VPS13B: variants seen among roughly 807,000 people sequenced by gnomAD.
The protein encoded by VPS13B is intermembrane lipid transfer protein VPS13B.
In VPS13B, 285 loss-of-function variants were observed where a neutral mutation model predicts 426.4. The observed-to-expected ratio is 0.67, with a 90% CI of 0.61 to 0.74. The LOEUF (loss-of-function observed/expected upper bound fraction) is 0.74. VPS13B is among the 30% of genes least tolerant of loss of function. The pLI is 0.00. For synonymous variants in VPS13B, 1,676 were observed against 1,676.4 expected (o/e 1.00, Z 0.01); for missense variants, 4,537 against 4,782.6 (o/e 0.95, Z 1.51).
At chr8:99,255,503 T>C (rs1163070892) in intron 17 of VPS13B, among the ~76,000 whole-genome samples, 1 of 152,210 alleles carries the variant, frequency 6.6e-6, no homozygotes, top group African/African-American at 2.4e-5. Context: ...TTTAAACCTG[T>C]GTTAGCTGAC....
chr8:99,807,008 T>C lies in VPS13B; in HGVS notation c.7942-2367T>C, dbSNP rs755646220. On this transcript the variant is annotated intron_variant, in intron 43 of 61. Coordinates refer to ENST00000357162, the MANE Select transcript of VPS13B (RefSeq NM_152564.5). ...GTAGTTCCTTTCCTAATGAATTATATGCATCTAATTGCCAATGATATTTAG... is the reference window on the plus strand; with the variant it reads ...GTAGTTCCTTTCCTAATGAATTATACGCATCTAATTGCCAATGATATTTAG... Among the ~76,000 whole-genome samples, 3 of 152,232 alleles carry C rather than the reference T, an allele frequency of 2.0e-5. No individual in the cohort carries two copies. In the South Asian group the frequency reaches 6.2e-4, roughly 32 times the overall value.
chr8:99,855,712 C>T (rs1816512433), intron 56 of VPS13B, among the ~76,000 whole-genome samples: 1 of 152,176 alleles, frequency 6.6e-6, no homozygotes, highest in Admixed American at 6.5e-5. Context: ...GGTCAGATTA[C>T]ATTTTCTCCA....
intron 58 of VPS13B, among the ~76,000 whole-genome samples, chr8:99,863,686 C>G (rs556867298): frequency 1.3e-5 from 2 of 152,184 alleles, no homozygotes; most frequent in Non-Finnish European, 2.9e-5. Flanking sequence ...ATGAGGTCAT[C>G]TTTCTGGGCG....
Position 99,511,501 on chromosome 8 carries a change from C to T in VPS13B, c.4622C>T (p.Pro1541Leu), listed in dbSNP as rs552843068. 26 of 1,612,546 alleles carry T rather than the reference C, an allele frequency of 1.6e-5. No homozygotes were observed. In the African/African-American group the frequency reaches 2.9e-4, roughly 18 times the overall value. Residue 1541 changes from proline to leucine, a missense_variant, in exon 29 of 62, where the codon CCA (proline) becomes CTA (leucine). Coordinates refer to ENST00000357162, the MANE Select transcript of VPS13B (RefSeq NM_152564.5). ...IFIPKTEEMQ[P>L]TVEANQAAKE... is the part of the protein sequence containing the mutation. ...ATTCCAAAAACAGAAGAAATGCAGC[C>T]AACTGTTGAAGGTATTGTCTTCTGA...
At chr8:99,874,877 T>C (rs765336450) in intron 61 of VPS13B, 2 of 154,658 alleles carry the variant, frequency 1.3e-5, no homozygotes, top group Non-Finnish European at 2.9e-5. Flanking sequence ...CTTTAAATCC[T>C]AGGATTTAGA....
intron 35 of VPS13B, chr8:99,696,930 T>G: frequency 1.4e-6 from 1 of 706,506 alleles, no homozygotes; most frequent in South Asian, 1.4e-5. Context: ...AGGCCAATGA[T>G]AAGCTGATTG....
chr8:99,459,236 G>C (rs567584830), intron 23 of VPS13B, among the ~76,000 whole-genome samples: 1 of 152,132 alleles, frequency 6.6e-6, no homozygotes, highest in Non-Finnish European at 1.5e-5. Context: ...TGCCAGTTAC[G>C]TTGAGTTGGT....
At chr8:99,274,935 T>G in intron 18 of VPS13B, 146 bp from the exon 19 acceptor site, 4 of 676,944 alleles carry the variant, frequency 5.9e-6, no homozygotes, top group Non-Finnish European at 8.9e-6. Context: ...TTACATTTTA[T>G]GAGACTCAGT....
intron 30 of VPS13B, among the ~76,000 whole-genome samples, chr8:99,530,877 T>C (rs1412739994): frequency 6.6e-6 from 1 of 152,192 alleles, no homozygotes; most frequent in Non-Finnish European, 1.5e-5. Context: ...GTCAGTTCCA[T>C]TGCTCATGCA....
Position 99,853,657 on chromosome 8 carries a change from G to C in VPS13B, c.10268G>C (p.Cys3423Ser). The C allele has an allele frequency of 6.2e-7, 1 of 1,613,616 alleles. No homozygotes were observed. Among genetic ancestry groups the C allele is most frequent in the Non-Finnish European group, 8.5e-7 (1 of 1,179,862 alleles). ...TTTGAACTTTACTGTGTGGAGATCT[G>C]CTGTGGGGACCTGCAGCTAGACAAC... ...ALFELYCVEI[C>S]CGDLQLDNQL... is the part of the protein sequence containing the mutation. The change falls in exon 56 of 62, where the codon TGC (cysteine) becomes TCC (serine). Residue 3423 changes from cysteine (C) to serine (S), a missense_variant. Cys to Ser is a moderately radical substitution (Grantham distance 112, BLOSUM62 -1). Coordinates refer to ENST00000357162, the MANE Select transcript of VPS13B (RefSeq NM_152564.5).
At chr8:99,669,927 T>G (rs1021161582) in intron 35 of VPS13B, among the ~76,000 whole-genome samples, 1 of 152,150 alleles carries the variant, frequency 6.6e-6, no homozygotes, top group African/African-American at 2.4e-5. Context: ...CTTAAATGAT[T>G]GCATTTCCAC....
At chr8:99,518,056 A>C (rs1170572589) in intron 29 of VPS13B, among the ~76,000 whole-genome samples, 1 of 152,082 alleles carries the variant, frequency 6.6e-6, no homozygotes, top group Non-Finnish European at 1.5e-5. Flanking sequence ...TAGTCAGTAT[A>C]ATCTACTGAG....
At chr8:99,623,128 C>T (rs1211418826) in intron 33 of VPS13B, among the ~76,000 whole-genome samples, 1 of 152,174 alleles carries the variant, frequency 6.6e-6, no homozygotes, top group African/African-American at 2.4e-5. Flanking sequence ...GATCTAACCC[C>T]TCCATCAGTC....
chr8:99,505,049 C>CTAACTTCTGCTAGCTTCAAACT (rs1340149988), intron 27 of VPS13B, among the ~76,000 whole-genome samples: 3 of 152,224 alleles, frequency 2.0e-5, no homozygotes, highest in Non-Finnish European at 4.4e-5. Flanking sequence ...GCCTCCTGAA[C>CTAACTTCTGCTAGCTTCAAACT]TAACTTCTGC....
intron 32 of VPS13B, 136 bp downstream of exon 32, chr8:99,575,920 C>A (rs1825754170): frequency 1.2e-6 from 1 of 863,658 alleles, no homozygotes; most frequent in South Asian, 1.6e-5. Flanking sequence ...TCATAGCTAA[C>A]ATTTATGGAG....
rs772136458 is a variant in VPS13B, at chr8:99,853,636, A to G, written c.10247A>G (p.Glu3416Gly). The change falls in exon 56 of 62, where the codon GAA becomes GGA. Residue 3416 changes from glutamate (E) to glycine (G), a missense_variant. By Grantham distance (98) the Glu-to-Gly change is moderately conservative. Around this residue, in one of 2 missense-constraint regions of VPS13B, gnomAD observed 4,311 missense variants for 4,474.3 expected, o/e 0.96. Coordinates refer to ENST00000357162, the MANE Select transcript of VPS13B (RefSeq NM_152564.5). The stretch of plus-strand genomic sequence containing the variant: ...GAAGAGCCTGTGGCTGCGTTGTTTG[A>G]ACTTTACTGTGTGGAGATCTGCTGT... Reference protein sequence around the residue: ...PGEEPVAALFELYCVEICCGD... With the variant: ...PGEEPVAALFGLYCVEICCGD... 4 of 1,613,958 alleles carry G rather than the reference A, an allele frequency of 2.5e-6. No individual in the cohort carries two copies. In the Admixed American group the frequency reaches 6.7e-5, roughly 27 times the overall value.
intron 31 of VPS13B, among the ~76,000 whole-genome samples, chr8:99,572,777 C>G (rs1022824070): frequency 6.6e-6 from 1 of 152,134 alleles, no homozygotes; most frequent in African/African-American, 2.4e-5. Flanking sequence ...GTGCATGTGT[C>G]TTTATAGCAG....
chr8:99,700,457 A>G (rs903078028), intron 36 of VPS13B, among the ~76,000 whole-genome samples: 1 of 152,272 alleles, frequency 6.6e-6, no homozygotes, highest in Non-Finnish European at 1.5e-5. Flanking sequence ...TACTTAAAAA[A>G]GAAAAGTTGG....
At chr8:99,664,633 C>A (rs533591463) in intron 35 of VPS13B, among the ~76,000 whole-genome samples, 4 of 152,258 alleles carry the variant, frequency 2.6e-5, no homozygotes, top group Admixed American at 2.6e-4. Context: ...CTTGTCCCTA[C>A]AAAGGACATG....
Sources: allele counts gnomAD v4.1 joint callset (sites outside exome capture counted in the v4.1 genomes callset), GRCh38; gene constraint gnomAD v4.1.1; regional missense constraint gnomAD v4.1.1; transcripts MANE v1.5; gene names NCBI Gene and HGNC (gene_info 2026-07-23, HGNC 2026-07-21).